RGS20: variants seen among roughly 807,000 people sequenced by gnomAD.
The protein encoded by RGS20 is regulator of G protein signaling 20.
RGS20 carries 30 observed loss-of-function variants against 33.6 expected under a neutral mutation model. The observed-to-expected ratio is 0.89, with a 90% CI of 0.67 to 1.21. The LOEUF is 1.21. Among genes scored for constraint, RGS20 ranks in the 50% most tolerant of loss-of-function variants. The probability of loss-of-function intolerance (pLI) is 0.00; values close to 1 mark genes in which losing one functional copy is unlikely to be tolerated. For missense variants in RGS20, 472 were observed against 502.4 expected (o/e 0.94, Z 0.58); for synonymous variants, 208 against 197.9 (o/e 1.05, Z -0.43).
At position 53,886,328 on chromosome 8, in the gene RGS20, G is replaced by GT. The variant is rs1812547443; in HGVS notation, c.510+6727dup. Among the ~76,000 whole-genome samples the GT allele has an allele frequency of 7.2e-5, 11 of 152,262 alleles. No individual in the cohort carries two copies. The South Asian group carries it at 2.3e-3, about 32-fold the overall frequency. On this transcript the variant is annotated intron_variant, in intron 2 of 5. Coordinates refer to ENST00000297313, the MANE Select transcript of RGS20 (RefSeq NM_170587.4). ...AGTTTGATGTGGCTGAGTGCTCAGA[G>GT]TAATATTACATGATTATAAATTCAT...
At chr8:53,902,379 G>C (rs747888205) in intron 2 of RGS20, among the ~76,000 whole-genome samples, 1 of 152,174 alleles carries the variant, frequency 6.6e-6, no homozygotes, top group Non-Finnish European at 1.5e-5. Context: ...TTGGTGCAAC[G>C]TTCTCAGGGA....
intron 2 of RGS20, among the ~76,000 whole-genome samples, chr8:53,939,134 C>T (rs1348055659): frequency 1.3e-5 from 2 of 152,230 alleles, no homozygotes; most frequent in African/African-American, 2.4e-5. Context: ...CTGGGCCGCC[C>T]TTCCCATGTT....
At chr8:53,935,992 G>A (rs963644817) in intron 2 of RGS20, among the ~76,000 whole-genome samples, 8 of 152,002 alleles carry the variant, frequency 5.3e-5, no homozygotes, top group African/African-American at 1.2e-4. Context: ...AACCAATGAC[G>A]AAAACCACAT....
chr8:53,906,405 C>A (rs1372813318), intron 2 of RGS20, among the ~76,000 whole-genome samples: 1 of 151,986 alleles, frequency 6.6e-6, no homozygotes, highest in Admixed American at 6.6e-5. Context: ...ACTCACTCAA[C>A]CCTCTGCTAC....
chr8:53,949,840 C>A lies in RGS20; in HGVS notation c.743+3092C>A, dbSNP rs192095248. Among the ~76,000 whole-genome samples, 11 of 135,874 alleles carry A rather than the reference C, an allele frequency of 8.1e-5. No individual in the cohort carries two copies. The Admixed American group carries it at 8.9e-4, about 11-fold the overall frequency. The allele number at this position is 135,874 out of a possible 152,430, so 89.1% of individuals were successfully genotyped here. On this transcript the variant is annotated intron_variant, in intron 4 of 5. Coordinates refer to ENST00000297313, the MANE Select transcript of RGS20 (RefSeq NM_170587.4). Reference sequence around the variant, plus strand: ...TCTAAGAGAGTAAACACTGTTAACACATTTCTTTTTTTTTTTTGAGATGGA... The same window carrying A: ...TCTAAGAGAGTAAACACTGTTAACAAATTTCTTTTTTTTTTTTGAGATGGA...
intron 2 of RGS20, among the ~76,000 whole-genome samples, chr8:53,909,063 T>G (rs925447429): frequency 6.6e-6 from 1 of 151,004 alleles, no homozygotes; most frequent in Non-Finnish European, 1.5e-5. Context: ...TCATATTTAT[T>G]CCTCCCAGCA....
chr8:53,952,579 A>C (rs1390559547), intron 4 of RGS20, among the ~76,000 whole-genome samples: 1 of 151,484 alleles, frequency 6.6e-6, no homozygotes, highest in Non-Finnish European at 1.5e-5. Context: ...ACAAAAAATT[A>C]CCCGGGTGTG....
intron 5 of RGS20, among the ~76,000 whole-genome samples, chr8:53,956,260 C>T (rs1219764437): frequency 6.6e-6 from 1 of 152,054 alleles, no homozygotes; most frequent in African/African-American, 2.4e-5. Context: ...AGGGTGCTTA[C>T]CAAACTATTA....
rs573392963 is a variant in RGS20 at position 53,958,436 on chromosome 8, C to T, written c.1145C>T (p.Ser382Leu). 150 of 1,530,242 alleles carry T rather than the reference C, an allele frequency of 9.8e-5. No homozygotes were observed. In the South Asian group the frequency reaches 1.8e-3, roughly 19 times the overall value. 94.8% of individuals were successfully genotyped at this position (1,530,242 alleles called of 1,614,324 possible). A position where few individuals can be genotyped will look rare whatever the true frequency, so the allele number is the denominator to read the frequency against. Residue 382 changes from serine to leucine, a missense_variant, in exon 6 of 6, where the codon TCG (serine) becomes TTG (leucine). Physicochemically the swap from Ser to Leu is moderately radical, Grantham distance 145 (BLOSUM62 -2). Around this residue, in one of 3 missense-constraint regions of RGS20, gnomAD observed 125 missense variants for 169.5 expected, o/e 0.74. Coordinates refer to ENST00000297313, the MANE Select transcript of RGS20 (RefSeq NM_170587.4). ...TATAAGGACTTGCTTCAGTCCTTAT[C>T]GGAGAAATCTATTGAAGCATAGGAT...
Position 53,958,645 on chromosome 8 carries a change from T to G in RGS20, c.*187T>G, listed in dbSNP as rs2129295482. Reference sequence around the variant, plus strand: ...AAACTGCAGCCACCTTTAGTGATACTTTTGAAAAAAAAAAATAAAGGGATA... The same window carrying G: ...AAACTGCAGCCACCTTTAGTGATACGTTTGAAAAAAAAAAATAAAGGGATA... On this transcript the variant is annotated 3_prime_UTR_variant, in exon 6 of 6. Transcript: ENST00000297313. The G allele has an allele frequency of 3.1e-6, 1 of 325,478 alleles. No homozygotes were observed. Among genetic ancestry groups the G allele is most frequent in the East Asian group, 4.9e-5 (1 of 20,214 alleles). The allele number at this position is 325,478 out of a possible 1,614,324, so 20.2% of individuals were successfully genotyped here.
At chr8:53,880,891 G>A (rs1812347057) in intron 2 of RGS20, 2 of 1,492,764 alleles carry the variant, frequency 1.3e-6, no homozygotes, top group Non-Finnish European at 1.8e-6. Flanking sequence ...GGAGGAAGAG[G>A]CCGGGAGAAG....
At chr8:53,867,472 G>C (rs1394246026) in intron 1 of RGS20, among the ~76,000 whole-genome samples, 1 of 152,026 alleles carries the variant, frequency 6.6e-6, no homozygotes, top group Non-Finnish European at 1.5e-5. Context: ...ACAATATTCT[G>C]TACTCCATGG....
At chr8:53,901,131 A>G (rs1446301857) in intron 2 of RGS20, among the ~76,000 whole-genome samples, 1 of 147,888 alleles carries the variant, frequency 6.8e-6, no homozygotes, top group Non-Finnish European at 1.5e-5. Flanking sequence ...TGGCGCAATC[A>G]ATCTCAGCTC....
At chr8:53,953,144 C>T (rs1452894492) in intron 4 of RGS20, among the ~76,000 whole-genome samples, 1 of 152,196 alleles carries the variant, frequency 6.6e-6, no homozygotes, top group Non-Finnish European at 1.5e-5. Context: ...ACTAAAAACA[C>T]AGGCTTCACC....
chr8:53,958,168 A>AAAAAAC (rs546640384), intron 5 of RGS20, 102 bp from the exon 5 acceptor site: 22 of 898,798 alleles, frequency 2.4e-5, no homozygotes, highest in East Asian at 1.8e-4. Flanking sequence ...AACCAAAAAC[A>AAAAAAC]AAAAACAAAA....
At chr8:53,933,035 A>C (rs1417626076) in intron 2 of RGS20, among the ~76,000 whole-genome samples, 1 of 152,192 alleles carries the variant, frequency 6.6e-6, no homozygotes, top group Non-Finnish European at 1.5e-5. Flanking sequence ...TGTTAGAAGG[A>C]AAGCTAACAA....
chr8:53,932,687 CA>C (rs1240840150), intron 2 of RGS20, among the ~76,000 whole-genome samples: 1 of 152,196 alleles, frequency 6.6e-6, no homozygotes, highest in East Asian at 1.9e-4. Flanking sequence ...GGGGAAGGGG[CA>C]GCTATGGGAG....
At chr8:53,911,273 A>C (rs376761513) in intron 2 of RGS20, among the ~76,000 whole-genome samples, 5 of 152,350 alleles carry the variant, frequency 3.3e-5, no homozygotes, top group African/African-American at 1.2e-4. Flanking sequence ...GATGAAGAAT[A>C]ATGAAAATAA....
At chr8:53,861,968 G>T (rs914105152) in intron 1 of RGS20, among the ~76,000 whole-genome samples, 1 of 151,738 alleles carries the variant, frequency 6.6e-6, no homozygotes, top group African/African-American at 2.4e-5. Flanking sequence ...TCCAAGCTTT[G>T]GGGGGGCCAA....
Sources: allele counts gnomAD v4.1 joint callset (sites outside exome capture counted in the v4.1 genomes callset), GRCh38; gene constraint gnomAD v4.1.1; regional missense constraint gnomAD v4.1.1; transcripts MANE v1.5; gene names NCBI Gene and HGNC (gene_info 2026-07-23, HGNC 2026-07-21).